The following STEAP2 variants were observed in gnomAD, a reference collection of about 807,000 sequenced individuals.
The protein encoded by STEAP2 is STEAP2 metalloreductase.
STEAP2 carries 30 observed loss-of-function variants against 46.4 expected under a neutral mutation model. That is an observed-to-expected ratio of 0.65 (90% CI 0.48 to 0.88). The LOEUF is 0.88. STEAP2 is among the 40% of genes least tolerant of loss of function. The pLI, the probability that STEAP2 is intolerant of heterozygous loss-of-function variation, is 0.00. For missense variants in STEAP2, 513 were observed against 579.3 expected, an observed-to-expected ratio of 0.89 and a Z score of 1.18; for synonymous variants, 180 against 200.5, an observed-to-expected ratio of 0.90 and a Z score of 0.86.
intron 2 of STEAP2, among the ~76,000 whole-genome samples, chr7:90,222,135 G>GT (rs1562804676): frequency 6.6e-6 from 1 of 151,852 alleles, no homozygotes; most frequent in Non-Finnish European, 1.5e-5. Flanking sequence ...ATTACTTCTG[G>GT]TTTTTTTAAC....
chr7:90,222,044 G>T (rs549971615), intron 2 of STEAP2, among the ~76,000 whole-genome samples: 1 of 152,134 alleles, frequency 6.6e-6, no homozygotes, highest in Non-Finnish European at 1.5e-5. Context: ...GGATTCCCTT[G>T]TGTGAATCTA....
intron 2 of STEAP2, among the ~76,000 whole-genome samples, chr7:90,217,920 G>A (rs755415675): frequency 2.6e-5 from 4 of 151,928 alleles, no homozygotes; most frequent in Non-Finnish European, 2.9e-5. Context: ...TCTCTGAATC[G>A]TTGTCAGCAT....
intron 1 of STEAP2, among the ~76,000 whole-genome samples, chr7:90,213,427 C>T (rs1016884856): frequency 1.2e-4 from 18 of 152,010 alleles, no homozygotes; most frequent in Non-Finnish European, 1.5e-5. Context: ...AGACTGCAGG[C>T]GTGATAAAGG....
At chr7:90,239,761 T>G (rs1409749825), downstream of STEAP2, among the ~76,000 whole-genome samples, 1 of 152,214 alleles carries the variant, frequency 6.6e-6, no homozygotes, top group East Asian at 1.9e-4. Context: ...TCCTGCAGCT[T>G]CCTACTTAAA....
chr7:90,218,538 T>C (rs1049709653), intron 2 of STEAP2, among the ~76,000 whole-genome samples: 27 of 152,174 alleles, frequency 1.8e-4, no homozygotes, highest in Non-Finnish European at 2.4e-4. Context: ...CTTTCCTCAG[T>C]GTATGTTCTT....
intron 2 of STEAP2, among the ~76,000 whole-genome samples, chr7:90,221,224 C>T (rs1000382211): frequency 6.6e-6 from 1 of 152,080 alleles, no homozygotes; most frequent in Non-Finnish European, 1.5e-5. Context: ...GTGTTGAAGT[C>T]CCCAAATGTT....
At position 90,234,045 on chromosome 7, in the gene STEAP2, C is replaced by G; in HGVS notation, c.*1421C>G. On this transcript the variant is annotated 3_prime_UTR_variant, in exon 6 of 6. Coordinates refer to ENST00000394621, the MANE Select transcript of STEAP2 (RefSeq NM_001244944.2). ...ACAAATTGCTGAGATCCCACGGAGTCTTTCAAAAATCTCTGTAGAGTTAGT... is the reference window on the plus strand; with the variant it reads ...ACAAATTGCTGAGATCCCACGGAGTGTTTCAAAAATCTCTGTAGAGTTAGT... The G allele has an allele frequency of 1.0e-6, 1 of 985,410 alleles. No homozygotes were observed. The highest frequency in any genetic ancestry group is 4.7e-5 in the South Asian group (1 of 21,286). 61.0% of individuals were successfully genotyped at this position (985,410 alleles called of 1,614,324 possible).
chr7:90,222,291 G>T (rs1218882624), intron 2 of STEAP2, among the ~76,000 whole-genome samples: 3 of 152,084 alleles, frequency 2.0e-5, no homozygotes, highest in Non-Finnish European at 4.4e-5. Context: ...GGTGTGAAAT[G>T]AAACATGTAA....
At chr7:90,239,711 T>C (rs531974914), downstream of STEAP2, among the ~76,000 whole-genome samples, 4 of 152,348 alleles carry the variant, frequency 2.6e-5, no homozygotes, top group African/African-American at 9.6e-5. Flanking sequence ...TAATTTTTTT[T>C]ACTTTCAATT....
chr7:90,241,198 A>C (rs993844499), downstream of STEAP2, among the ~76,000 whole-genome samples: 6 of 152,088 alleles, frequency 3.9e-5, no homozygotes, highest in African/African-American at 1.4e-4. Context: ...ACACTCACAC[A>C]CATGAGCAGT....
intron 4 of STEAP2, among the ~76,000 whole-genome samples, chr7:90,227,893 T>C (rs1488154958): frequency 6.6e-6 from 1 of 152,012 alleles, no homozygotes; most frequent in African/African-American, 2.4e-5. Context: ...CCAGTAAAAA[T>C]ACAAAACAGA....
Position 90,227,294 on chromosome 7 carries a change from C to T in STEAP2, c.816C>T (p.Leu272=), listed in dbSNP as rs110360. 0.53 allele frequency: 852,289 copies of T among 1,613,434 alleles called. 227,854 individuals carry two copies. The highest frequency in any genetic ancestry group is 0.55 in the Non-Finnish European group (645,214 of 1,179,658). The change falls in exon 4 of 6, where the codon CTC becomes CTT. Residue 272 remains leucine, a synonymous_variant. Coordinates refer to ENST00000394621, the MANE Select transcript of STEAP2 (RefSeq NM_001244944.2). ...VAITLLSLVY[L]AGLLAAAYQL... is the part of the protein sequence containing the mutation. ...TTACTTTGCTCTCCCTAGTATACCT[C>T]GCAGGTCTTCTGGCAGCTGCTTATC...
At chr7:90,238,700 A>C (rs1321574849), downstream of STEAP2, among the ~76,000 whole-genome samples, 1 of 152,196 alleles carries the variant, frequency 6.6e-6, no homozygotes, top group East Asian at 1.9e-4. Flanking sequence ...GAGTGGCAGC[A>C]GGTGAGTGTT....
intron 4 of STEAP2, among the ~76,000 whole-genome samples, chr7:90,228,470 C>T (rs181110675): frequency 1.1e-4 from 17 of 152,248 alleles, no homozygotes; most frequent in Admixed American, 3.9e-4. Flanking sequence ...CCCTTGCCTC[C>T]TTCCAGTCAT....
intron 2 of STEAP2, among the ~76,000 whole-genome samples, chr7:90,224,322 C>A (rs956427985): frequency 2.0e-5 from 3 of 152,154 alleles, no homozygotes; most frequent in African/African-American, 7.2e-5. Context: ...GTTACCACCC[C>A]TTTCCATGGC....
At position 90,236,951 on chromosome 7, in the gene STEAP2, A is replaced by T; in HGVS notation, c.*4327A>T. The T allele has an allele frequency of 3.7e-6, 6 of 1,613,626 alleles. No individual in the cohort carries two copies. Among genetic ancestry groups the T allele is most frequent in the Non-Finnish European group, 5.1e-6 (6 of 1,179,870 alleles). On this transcript the variant is annotated 3_prime_UTR_variant, in exon 6 of 6. Transcript: ENST00000394621. The stretch of plus-strand genomic sequence containing the variant: ...GGAACTGGAATTTGTCTTCCTATTG[A>T]CTCTACTTCTTTAAAAGCGGCTGCC...
intron 2 of STEAP2, among the ~76,000 whole-genome samples, chr7:90,221,744 A>G (rs17869664): frequency 6.6e-6 from 1 of 152,200 alleles, no homozygotes. Context: ...TCATATTGTC[A>G]AAAGTAAAAG....
chr7:90,227,544 T>G (rs946276413), intron 4 of STEAP2, 46 bp downstream of exon 4: 1 of 1,453,300 alleles, frequency 6.9e-7, no homozygotes, highest in African/African-American at 1.4e-5. Flanking sequence ...AAAATACTTT[T>G]TATTAGTATA....
rs553102374 is a variant in STEAP2 at position 90,232,750 on chromosome 7, A to G, written c.*126A>G. 4.4e-5 allele frequency: 60 copies of G among 1,366,782 alleles called. No homozygotes were observed. The East Asian group carries it at 4.8e-4, about 11-fold the overall frequency. 84.7% of individuals were successfully genotyped at this position (1,366,782 alleles called of 1,614,324 possible). A position where few individuals can be genotyped will look rare whatever the true frequency, so the allele number is the denominator to read the frequency against. On this transcript the variant is annotated 3_prime_UTR_variant, in exon 6 of 6. Coordinates refer to ENST00000394621, the MANE Select transcript of STEAP2 (RefSeq NM_001244944.2). ...TTGAAACTTGTTAAATGAGATTTCAACTGACTTAGTGATAGAGTTTTCTTC... is the reference window on the plus strand; with the variant it reads ...TTGAAACTTGTTAAATGAGATTTCAGCTGACTTAGTGATAGAGTTTTCTTC...
Sources: allele counts gnomAD v4.1 joint callset (sites outside exome capture counted in the v4.1 genomes callset), GRCh38; gene constraint gnomAD v4.1.1; transcripts MANE v1.5; gene names NCBI Gene and HGNC (gene_info 2026-07-23, HGNC 2026-07-21).